USH2A: variants seen among roughly 807,000 people sequenced by gnomAD.
The protein encoded by USH2A is Usher syndrome 2A (autosomal recessive, mild).
In USH2A, 443 loss-of-function variants were observed where a neutral mutation model predicts 538.9. The observed-to-expected ratio is 0.82, with a 90% CI of 0.76 to 0.89. The LOEUF is 0.89. Among genes scored for constraint, USH2A ranks in the 40% least tolerant of loss-of-function variants. USH2A has a pLI of 0.00. For missense variants in USH2A, 6,633 were observed against 6,324.8 expected, an observed-to-expected ratio of 1.05 and a Z score of -1.65; for synonymous variants, 2,413 against 2,273.5, an observed-to-expected ratio of 1.06 and a Z score of -1.75.
At chr1:216,005,020 A>G (rs1228236388) in intron 32 of USH2A, among the ~76,000 whole-genome samples, 1 of 152,194 alleles carries the variant, frequency 6.6e-6, no homozygotes, top group Non-Finnish European at 1.5e-5. Flanking sequence ...TTGATTCTTC[A>G]GAGTAACACC....
At chr1:215,626,727 A>T (rs1261473460) in intron 71 of USH2A, among the ~76,000 whole-genome samples, 1 of 152,168 alleles carries the variant, frequency 6.6e-6, no homozygotes, top group Non-Finnish European at 1.5e-5. Flanking sequence ...TAAGAACCCA[A>T]ACCCATAAAA....
At chr1:215,787,184 A>C (rs180793332) in intron 51 of USH2A, among the ~76,000 whole-genome samples, 1 of 152,154 alleles carries the variant, frequency 6.6e-6, no homozygotes, top group Non-Finnish European at 1.5e-5. Flanking sequence ...ATTTACTACC[A>C]AGGTTTGTTG....
chr1:216,277,283 C>T (rs1369211939), intron 11 of USH2A, among the ~76,000 whole-genome samples: 3 of 152,072 alleles, frequency 2.0e-5, no homozygotes, highest in Non-Finnish European at 4.4e-5. Context: ...TTTCCTTGTT[C>T]CTGGGGCTTC....
In USH2A at chr1:216,350,074, T is replaced by A. The variant is rs557812378; in HGVS notation, c.784+14879A>T. Among the ~76,000 whole-genome samples the A allele has an allele frequency of 9.4e-4, 143 of 152,132 alleles. 1 individual carries two copies. The highest frequency in any genetic ancestry group is 3.3e-3 in the African/African-American group (136 of 41,502). On this transcript the variant is annotated intron_variant, in intron 4 of 71. Coordinates refer to ENST00000307340, the MANE Select transcript of USH2A (RefSeq NM_206933.4). ...AGAAGGTGAAGGAGAAGCAGGTACA[T>A]CACATGTGGAAAGCAGGAGCAAAGT...
intron 21 of USH2A, among the ~76,000 whole-genome samples, chr1:216,149,187 G>C (rs887051675): frequency 3.3e-5 from 5 of 152,140 alleles, no homozygotes; most frequent in African/African-American, 1.2e-4. Context: ...CCTCATGTCT[G>C]TGTGCAGCGG....
chr1:215,788,181 C>T (rs572051807), intron 51 of USH2A, among the ~76,000 whole-genome samples: 79 of 152,062 alleles, frequency 5.2e-4, no homozygotes, highest in African/African-American at 1.8e-3. Context: ...CAGTGCATAC[C>T]TTTTTGGAAG....
intron 32 of USH2A, among the ~76,000 whole-genome samples, chr1:216,016,847 TTG>T (rs140646671): frequency 3.6e-4 from 50 of 138,792 alleles, no homozygotes; most frequent in Admixed American, 3.7e-4. Flanking sequence ...AGTCACTACT[TTG>T]TGTGTGTGTG....
intron 60 of USH2A, among the ~76,000 whole-genome samples, chr1:215,729,803 A>C (rs1485881782): frequency 6.6e-6 from 1 of 152,054 alleles, no homozygotes; most frequent in Non-Finnish European, 1.5e-5. Flanking sequence ...GCTAACTTTT[A>C]AAATTTTTTT....
At position 216,324,078 on chromosome 1, in the gene USH2A, G is replaced by A. The variant is rs1418495618; in HGVS notation, c.1328+90C>T. 4 of 1,389,668 alleles carry A rather than the reference G, an allele frequency of 2.9e-6. No homozygotes were observed. The Admixed American group carries it at 6.3e-5, about 22-fold the overall frequency. The allele number at this position is 1,389,668 out of a possible 1,614,324, so 86.1% of individuals were successfully genotyped here. A position where few individuals can be genotyped will look rare whatever the true frequency, so the allele number is the denominator to read the frequency against. On this transcript the variant is annotated intron_variant, in intron 7 of 71. Transcript: ENST00000307340. ...GCCTCAAGGAAGTTGGTGGTGAAGGGAAGTCTCCACCAGCCTAGAGAGCTA... is the reference window on the plus strand; with the variant it reads ...GCCTCAAGGAAGTTGGTGGTGAAGGAAAGTCTCCACCAGCCTAGAGAGCTA...
At chr1:216,340,934 C>G (rs1434665853) in intron 4 of USH2A, among the ~76,000 whole-genome samples, 2 of 152,074 alleles carry the variant, frequency 1.3e-5, no homozygotes, top group South Asian at 2.1e-4. Flanking sequence ...AAAACTGGCA[C>G]AAGACAAGGA....
chr1:216,070,185 G>C lies in USH2A; in HGVS notation c.5965C>G (p.Leu1989Val), dbSNP rs1571933193. 6.2e-7 allele frequency: 1 copy of C among 1,613,992 alleles called. No individual in the cohort carries two copies. Among genetic ancestry groups the C allele is most frequent in the Non-Finnish European group, 8.5e-7 (1 of 1,179,952 alleles). The change falls in exon 30 of 72, where the codon CTG becomes GTG. Residue 1989 changes from leucine (L) to valine (V), a missense_variant. Coordinates refer to ENST00000307340, the MANE Select transcript of USH2A (RefSeq NM_206933.4). ...VVRGVIEKYI[L>V]KAYSEDSTRP... ...GTGCTGTCCTCACTATAGGCTTTCA[G>C]AATGTACTTCTCAATTACACCTCTG...
chr1:215,754,447 C>T (rs978646621), intron 58 of USH2A, among the ~76,000 whole-genome samples: 1 of 151,790 alleles, frequency 6.6e-6, no homozygotes, highest in Non-Finnish European at 1.5e-5. Flanking sequence ...GCCAAGTAAC[C>T]ACATAGACAT....
intron 55 of USH2A, among the ~76,000 whole-genome samples, chr1:215,768,509 A>G (rs1362558857): frequency 6.6e-6 from 1 of 152,162 alleles, no homozygotes; most frequent in Non-Finnish European, 1.5e-5. Flanking sequence ...GCAGGCACTT[A>G]TTTGATTACA....
intron 11 of USH2A, among the ~76,000 whole-genome samples, chr1:216,253,244 T>A (rs985480816): frequency 6.6e-6 from 1 of 151,614 alleles, no homozygotes; most frequent in African/African-American, 2.4e-5. Flanking sequence ...AATGGTGCGA[T>A]CTCGGCTCAC....
intron 60 of USH2A, among the ~76,000 whole-genome samples, chr1:215,729,405 T>C (rs2102714818): frequency 6.6e-6 from 1 of 152,314 alleles, no homozygotes; most frequent in Non-Finnish European, 1.5e-5. Context: ...CAATCTTTTC[T>C]TATACATCAA....
chr1:216,062,010 T>C (rs2031203911), intron 30 of USH2A, among the ~76,000 whole-genome samples: 1 of 152,122 alleles, frequency 6.6e-6, no homozygotes, highest in African/African-American at 2.4e-5. Context: ...AGTTTAATTT[T>C]CCCATGCAAA....
chr1:216,416,440 T>G (rs1010667148), intron 3 of USH2A, among the ~76,000 whole-genome samples: 1 of 152,122 alleles, frequency 6.6e-6, no homozygotes, highest in South Asian at 2.1e-4. Context: ...CAGAATAGTT[T>G]AAAACTTATG....
intron 9 of USH2A, 100 bp downstream of exon 9, chr1:216,321,783 A>C (rs2037614489): frequency 8.9e-7 from 1 of 1,129,902 alleles, no homozygotes; most frequent in African/African-American, 1.5e-5. Context: ...CAGTTTTTAA[A>C]TTTATTTTCA....
chr1:216,305,315 T>C (rs1448327919), intron 9 of USH2A, among the ~76,000 whole-genome samples: 1 of 152,188 alleles, frequency 6.6e-6, no homozygotes, highest in Non-Finnish European at 1.5e-5. Context: ...TTTTGTCTGA[T>C]ATAAGAATAG....
Sources: gnomAD v4.1 joint callset for allele counts (sites outside exome capture counted in the v4.1 genomes callset) on GRCh38, gnomAD v4.1.1 for gene constraint, MANE v1.5 for transcripts, NCBI Gene and HGNC (gene_info 2026-07-23, HGNC 2026-07-21) for gene names.